Variants in NELL1 observed in about 807,000 individuals in gnomAD.
NELL1 encodes the protein protein kinase C-binding protein NELL1.
A neutral mutation model predicts 107.4 loss-of-function variants in NELL1; 76 were observed. The observed-to-expected ratio is 0.71, with a 90% CI of 0.59 to 0.86. NELL1 has a LOEUF of 0.86. Among genes scored for constraint, NELL1 ranks in the 40% least tolerant of loss-of-function variants. The pLI, the probability that NELL1 is intolerant of heterozygous loss-of-function variation, is 0.00. For missense variants in NELL1, 1,024 were observed against 1,005.5 expected (o/e 1.02, Z -0.25); for synonymous variants, 353 against 341.2 (o/e 1.03, Z -0.38).
At chr11:21,092,933 A>G (rs1032959011) in intron 12 of NELL1, among the ~76,000 whole-genome samples, 1 of 152,078 alleles carries the variant, frequency 6.6e-6, no homozygotes, top group Non-Finnish European at 1.5e-5. Flanking sequence ...TGAACAGACA[A>G]TTCTCTTCTA....
At chr11:21,051,874 T>G (rs1853501301) in intron 12 of NELL1, among the ~76,000 whole-genome samples, 1 of 152,154 alleles carries the variant, frequency 6.6e-6, no homozygotes, top group African/African-American at 2.4e-5. Context: ...AAATCCCTGC[T>G]TTTGTGGGGA....
chr11:21,055,613 G>T (rs1853594103), intron 12 of NELL1, among the ~76,000 whole-genome samples: 1 of 151,936 alleles, frequency 6.6e-6, no homozygotes, highest in South Asian at 2.1e-4. Context: ...ATTGATTGTT[G>T]GTTTTATTTA....
chr11:20,883,711 T>A (rs1849451572), intron 4 of NELL1, among the ~76,000 whole-genome samples: 1 of 152,206 alleles, frequency 6.6e-6, no homozygotes, highest in Non-Finnish European at 1.5e-5. Context: ...TTTTTTCCAG[T>A]GAAAAATATT....
At chr11:21,038,385 ACT>A (rs991486284) in intron 12 of NELL1, among the ~76,000 whole-genome samples, 8 of 152,106 alleles carry the variant, frequency 5.3e-5, no homozygotes, top group Non-Finnish European at 1.2e-4. Context: ...GTTTTCTATG[ACT>A]CTCCATTTAA....
At chr11:20,831,048 ACTCT>A (rs1462114187) in intron 3 of NELL1, among the ~76,000 whole-genome samples, 1 of 151,970 alleles carries the variant, frequency 6.6e-6, no homozygotes, top group East Asian at 1.9e-4. Flanking sequence ...TGTTTGGCAA[ACTCT>A]CTCAGAGAAA....
chr11:21,333,277 T>A, intron 14 of NELL1, among the ~76,000 whole-genome samples: 1 of 98,492 alleles, frequency 1.0e-5, no homozygotes, highest in African/African-American at 3.0e-5. Context: ...AGACTTGCAG[T>A]CAGAAAGACC....
Position 21,143,547 on chromosome 11 carries a change from A to T in NELL1, c.1426+29833A>T, listed in dbSNP as rs77767040. Among the ~76,000 whole-genome samples the T allele has an allele frequency of 9.6e-3, 1,457 of 152,304 alleles. 65 individuals carry two copies. The East Asian group carries it at 0.12, about 12-fold the overall frequency. Reference sequence around the variant, plus strand: ...AAGGATGTCCCATGTTCAATTTGTTAAGTTGGCATAGTGGGGCTGTAAGGC... The same window carrying T: ...AAGGATGTCCCATGTTCAATTTGTTTAGTTGGCATAGTGGGGCTGTAAGGC... On this transcript the variant is annotated intron_variant, in intron 13 of 19. Coordinates refer to ENST00000357134, the MANE Select transcript of NELL1 (RefSeq NM_006157.5).
chr11:21,491,510 A>T (rs1854811017), intron 15 of NELL1, among the ~76,000 whole-genome samples: 1 of 152,078 alleles, frequency 6.6e-6, no homozygotes, highest in Admixed American at 6.6e-5. Flanking sequence ...ATAGTTGTAG[A>T]TAAGCGGCGC....
rs771555654 is a variant in NELL1, at chr11:21,229,435, G to T, written c.1530G>T (p.Gly510=). ...HSCTCKPGYV[G]NGTICRAFCE... ...GCACCTGCAAACCGGGCTACGTGGG[G>T]AACGGGACCATCTGCAGAGGTAGGC... The change falls in exon 14 of 20, where the codon GGG becomes GGT. Residue 510 remains glycine (G), a synonymous_variant. Coordinates refer to ENST00000357134, the MANE Select transcript of NELL1 (RefSeq NM_006157.5). 6.2e-7 allele frequency: 1 copy of T among 1,613,898 alleles called. No homozygotes were observed. Among genetic ancestry groups the T allele is most frequent in the East Asian group, 2.2e-5 (1 of 44,808 alleles).
intron 3 of NELL1, among the ~76,000 whole-genome samples, chr11:20,793,330 T>G (rs1056218180): frequency 6.6e-6 from 1 of 151,966 alleles, no homozygotes; most frequent in African/African-American, 2.4e-5. Context: ...TTAATAAAAT[T>G]TTTATATTTG....
intron 15 of NELL1, among the ~76,000 whole-genome samples, chr11:21,391,775 C>G (rs1282064754): frequency 6.6e-6 from 1 of 151,410 alleles, no homozygotes; most frequent in East Asian, 2.0e-4. Flanking sequence ...ACTGGGACTA[C>G]ATACAGGTGC....
At chr11:21,490,896 T>C (rs1297527787) in intron 15 of NELL1, among the ~76,000 whole-genome samples, 1 of 151,948 alleles carries the variant, frequency 6.6e-6, no homozygotes, top group African/African-American at 2.4e-5. Context: ...TAAGAAAAGA[T>C]TTCATGGCTA....
intron 2 of NELL1, among the ~76,000 whole-genome samples, chr11:20,771,838 T>G (rs1856647063): frequency 6.6e-6 from 1 of 152,172 alleles, no homozygotes; most frequent in African/African-American, 2.4e-5. Context: ...TAGTAATTGC[T>G]CCATCCTCTA....
At chr11:21,177,485 C>T (rs1856737981) in intron 13 of NELL1, among the ~76,000 whole-genome samples, 1 of 151,686 alleles carries the variant, frequency 6.6e-6, no homozygotes, top group South Asian at 2.1e-4. Flanking sequence ...TGTATATGTA[C>T]CACATTTTCT....
intron 12 of NELL1, among the ~76,000 whole-genome samples, chr11:21,053,543 G>C (rs1853546518): frequency 6.6e-6 from 1 of 152,114 alleles, no homozygotes; most frequent in East Asian, 1.9e-4. Context: ...CCTCCTCAGG[G>C]AACACAGAGG....
intron 13 of NELL1, among the ~76,000 whole-genome samples, chr11:21,142,532 A>G (rs1855891920): frequency 1.3e-5 from 2 of 152,240 alleles, no homozygotes; most frequent in South Asian, 4.1e-4. Flanking sequence ...GGCTTAAATC[A>G]CGGCAGAGGC....
chr11:20,755,840 G>T, intron 2 of NELL1, among the ~76,000 whole-genome samples: 1 of 142,702 alleles, frequency 7.0e-6, no homozygotes, highest in Non-Finnish European at 1.5e-5. Context: ...ATAGGCATGA[G>T]CCACCACGCC....
chr11:21,411,988 A>G (rs1338929501), intron 15 of NELL1, among the ~76,000 whole-genome samples: 1 of 152,032 alleles, frequency 6.6e-6, no homozygotes, highest in African/African-American at 2.4e-5. Flanking sequence ...ATGGTATCCT[A>G]GACTTTTGTG....
At chr11:21,534,597 A>C (rs1456017271) in intron 16 of NELL1, 83 bp downstream of exon 16, 5 of 1,426,034 alleles carry the variant, frequency 3.5e-6, no homozygotes, top group Non-Finnish European at 4.9e-6. Context: ...TTCAGCTCCC[A>C]GTGTTAAAAT....
Sources: allele counts gnomAD v4.1 joint callset (sites outside exome capture counted in the v4.1 genomes callset), GRCh38; gene constraint gnomAD v4.1.1; transcripts MANE v1.5; gene names NCBI Gene and HGNC (gene_info 2026-07-23, HGNC 2026-07-21).